The following TUSC3 variants were observed in gnomAD, a reference collection of about 807,000 sequenced individuals.
TUSC3 encodes the protein dolichyl-diphosphooligosaccharide--protein glycosyltransferase subunit TUSC3.
Under a neutral mutation model 44.8 loss-of-function variants are expected in TUSC3, and 45 were observed. The ratio of observed to expected loss-of-function variants is 1.00; its 90% CI spans 0.79 to 1.29. The LOEUF (loss-of-function observed/expected upper bound fraction) is 1.29, where lower values mean the gene tolerates loss of function less well. TUSC3 is among the 50% of genes most tolerant of loss of function. The probability of loss-of-function intolerance (pLI) is 0.00; values close to 1 mark genes in which losing one functional copy is unlikely to be tolerated. For missense variants in TUSC3, 519 were observed against 437.9 expected, an observed-to-expected ratio of 1.19 and a Z score of -1.65; for synonymous variants, 212 against 152.9, an observed-to-expected ratio of 1.39 and a Z score of -2.85.
At chr8:15,603,105 T>C (rs1333041571) in intron 1 of TUSC3, among the ~76,000 whole-genome samples, 4 of 151,546 alleles carry the variant, frequency 2.6e-5, no homozygotes, top group African/African-American at 9.7e-5. Context: ...ACAGAAGATA[T>C]CATAGTTGCC....
chr8:15,514,234 T>C (rs377478019), intron 2 of TUSC3, among the ~76,000 whole-genome samples: 1 of 152,180 alleles, frequency 6.6e-6, no homozygotes, highest in African/African-American at 2.4e-5. Flanking sequence ...GTATTATGAG[T>C]GAATGATGAA....
intron 1 of TUSC3, among the ~76,000 whole-genome samples, chr8:15,469,514 A>T (rs943052701): frequency 1.3e-5 from 2 of 152,236 alleles, no homozygotes; most frequent in Admixed American, 1.3e-4. Context: ...GCTGGAGAGT[A>T]TGGAACAACA....
intron 1 of TUSC3, among the ~76,000 whole-genome samples, chr8:15,427,373 C>A (rs571018629): frequency 6.6e-6 from 1 of 152,084 alleles, no homozygotes; most frequent in South Asian, 2.1e-4. Context: ...CAGCTGTTAA[C>A]TGCCTCTCTA....
intron 1 of TUSC3, among the ~76,000 whole-genome samples, chr8:15,594,057 A>G (rs1476424791): frequency 6.6e-6 from 1 of 152,160 alleles, no homozygotes; most frequent in Admixed American, 6.5e-5. Flanking sequence ...CTTGTATACT[A>G]CTTGTATACC....
At chr8:15,696,532 G>T (rs549957271) in intron 6 of TUSC3, among the ~76,000 whole-genome samples, 8 of 152,134 alleles carry the variant, frequency 5.3e-5, no homozygotes, top group African/African-American at 1.9e-4. Flanking sequence ...ACACCGCCTC[G>T]TAGAGATGTG....
At chr8:15,650,905 G>T (rs1806872814) in intron 3 of TUSC3, 91 bp downstream of exon 3, 3 of 1,377,318 alleles carry the variant, frequency 2.2e-6, no homozygotes, top group Non-Finnish European at 3.1e-6. Flanking sequence ...TTCATTCATC[G>T]TCTGAACCTG....
rs117540957 is a variant in TUSC3 at position 15,497,579 on chromosome 8, C to G, written n.189+14096C>G. On this transcript the variant is annotated intron_variant and non_coding_transcript_variant, in intron 2 of 5. Coordinates refer to the TUSC3 transcript ENST00000503191. The stretch of plus-strand genomic sequence containing the variant: ...CATTTAAAGCTAATTGAAGTGAGTT[C>G]TGGAGGGAATGAGAGGAGAGGATTT... Among the ~76,000 whole-genome samples, 154 of 152,158 alleles carry G rather than the reference C, an allele frequency of 1.0e-3. 2 individuals are homozygous for G. The East Asian group carries it at 0.028, about 28-fold the overall frequency.
At chr8:15,581,973 T>C (rs909545523) in intron 1 of TUSC3, among the ~76,000 whole-genome samples, 16 of 151,096 alleles carry the variant, frequency 1.1e-4, no homozygotes, top group Non-Finnish European at 1.8e-4. Context: ...TCCGTGGGCG[T>C]AGGACCCTCT....
the TUSC3 span, among the ~76,000 whole-genome samples, chr8:15,789,739 T>C: frequency 0.1 from 15,722 of 152,140 alleles, 1,124 homozygotes; most frequent in African/African-American, 0.2. Context: ...ATGAAATGCA[T>C]TGGGGCTGCA....
intron 1 of TUSC3, among the ~76,000 whole-genome samples, chr8:15,560,434 A>C (rs1802416193): frequency 6.7e-6 from 1 of 148,220 alleles, no homozygotes; most frequent in Admixed American, 6.7e-5. Flanking sequence ...GCTGCCCTTA[A>C]CATTTTTTCC....
chr8:15,667,458 T>C (rs1048970982), intron 5 of TUSC3, among the ~76,000 whole-genome samples: 1 of 151,748 alleles, frequency 6.6e-6, no homozygotes, highest in African/African-American at 2.4e-5. Flanking sequence ...TCTGCTGATT[T>C]ATACCACCTG....
At chr8:15,717,627 C>A (rs571914733) in intron 6 of TUSC3, among the ~76,000 whole-genome samples, 1 of 152,148 alleles carries the variant, frequency 6.6e-6, no homozygotes, top group South Asian at 2.1e-4. Flanking sequence ...TTATAGTTAA[C>A]CATCTTTGGA....
At chr8:15,662,870 C>G (rs1807486674) in intron 5 of TUSC3, among the ~76,000 whole-genome samples, 1 of 151,904 alleles carries the variant, frequency 6.6e-6, no homozygotes, top group Non-Finnish European at 1.5e-5. Context: ...TAAAGGGAAT[C>G]ATGACAAGCT....
intron 1 of TUSC3, among the ~76,000 whole-genome samples, chr8:15,562,395 C>T (rs755613329): frequency 3.3e-5 from 5 of 152,094 alleles, no homozygotes; most frequent in South Asian, 2.1e-4. Context: ...CCACTTTAAG[C>T]GTTAAGAAAT....
At chr8:15,796,368 G>C in the TUSC3 span, among the ~76,000 whole-genome samples, 1 of 152,170 alleles carries the variant, frequency 6.6e-6, no homozygotes, top group Non-Finnish European at 1.5e-5. Flanking sequence ...TATGGAATCT[G>C]TCAGTCTGTG....
At chr8:15,582,855 A>G (rs1803431026) in intron 1 of TUSC3, among the ~76,000 whole-genome samples, 1 of 152,226 alleles carries the variant, frequency 6.6e-6, no homozygotes, top group African/African-American at 2.4e-5. Flanking sequence ...TAAATATGAT[A>G]TGTAACACTT....
In TUSC3 at chr8:15,452,619, C is replaced by T. The variant is rs1212872485; in HGVS notation, n.92-30767C>T. On this transcript the variant is annotated intron_variant and non_coding_transcript_variant, in intron 1 of 5. Coordinates refer to the TUSC3 transcript ENST00000503191. The stretch of plus-strand genomic sequence containing the variant: ...GCAGATAAGCTATAAGGCAGACTTA[C>T]GTCTGCCTTGCTTTGTAGTCCAGGA... Among the ~76,000 whole-genome samples, 8 of 152,176 alleles carry T rather than the reference C, an allele frequency of 5.3e-5. No homozygotes were observed. The East Asian group carries it at 5.8e-4, about 11-fold the overall frequency.
chr8:15,693,932 T>C (rs1346444720), intron 6 of TUSC3, among the ~76,000 whole-genome samples: 2 of 152,090 alleles, frequency 1.3e-5, no homozygotes, highest in African/African-American at 4.8e-5. Context: ...ATTTGTGCTG[T>C]TGATACTTGC....
intron 1 of TUSC3, among the ~76,000 whole-genome samples, chr8:15,541,019 G>A (rs1801671053): frequency 1.3e-5 from 2 of 152,174 alleles, no homozygotes; most frequent in Admixed American, 6.5e-5. Context: ...AAGTTACACT[G>A]TATGTTTATT....
Sources: allele counts gnomAD v4.1 joint callset (sites outside exome capture counted in the v4.1 genomes callset), GRCh38; gene constraint gnomAD v4.1.1; transcripts MANE v1.5; gene names NCBI Gene and HGNC (gene_info 2026-07-23, HGNC 2026-07-21).